Variants in RNGTT observed in about 807,000 individuals in gnomAD.
The protein encoded by RNGTT is RNA guanylyltransferase and 5'-phosphatase.
A neutral mutation model predicts 79.3 loss-of-function variants in RNGTT; 33 were observed. The ratio of observed to expected loss-of-function variants is 0.42; its 90% CI spans 0.32 to 0.56. The LOEUF (loss-of-function observed/expected upper bound fraction) is 0.56, where lower values mean the gene tolerates loss of function less well. RNGTT is among the 20% of genes least tolerant of loss of function. The pLI is 0.17. For missense variants in RNGTT, 497 were observed against 739.1 expected, an observed-to-expected ratio of 0.67 and a Z score of 3.80; for synonymous variants, 222 against 235.9, an observed-to-expected ratio of 0.94 and a Z score of 0.54.
intron 5 of RNGTT, 102 bp downstream of exon 5, chr6:88,906,263 A>G (rs1783650901): frequency 1.5e-6 from 1 of 670,138 alleles, no homozygotes; most frequent in Non-Finnish European, 2.6e-6. Flanking sequence ...TACATTAATC[A>G]TGAGTTCACC....
chr6:88,729,401 A>G (rs2127818843), intron 13 of RNGTT, among the ~76,000 whole-genome samples: 1 of 152,026 alleles, frequency 6.6e-6, no homozygotes, highest in East Asian at 1.9e-4. Flanking sequence ...AAAAAAAAAA[A>G]AAAAGACATC....
chr6:88,682,601 T>C (rs2756411), intron 13 of RNGTT, among the ~76,000 whole-genome samples: 40,324 of 152,152 alleles, frequency 0.27, 9,329 homozygotes, highest in African/African-American at 0.63. Flanking sequence ...TTTCCAACTT[T>C]TATTTTAAGT....
At chr6:88,959,224 G>A (rs1158813298) in intron 1 of RNGTT, among the ~76,000 whole-genome samples, 2 of 146,530 alleles carry the variant, frequency 1.4e-5, no homozygotes, top group Non-Finnish European at 3.0e-5. Context: ...GTGGAGAGGG[G>A]GGATGAGGGA....
At chr6:88,830,394 A>T (rs1201222644) in intron 11 of RNGTT, among the ~76,000 whole-genome samples, 2 of 152,208 alleles carry the variant, frequency 1.3e-5, no homozygotes, top group Non-Finnish European at 2.9e-5. Context: ...CAAAGACACA[A>T]CGTACCAGAA....
At chr6:88,792,292 T>G (rs527586958) in intron 12 of RNGTT, among the ~76,000 whole-genome samples, 3 of 152,200 alleles carry the variant, frequency 2.0e-5, no homozygotes, top group African/African-American at 7.2e-5. Context: ...CTGTCTATAA[T>G]CAACTCTCTT....
chr6:88,647,715 A>AAAAAAAAAAAAAAAAAGAAG (rs531898293), intron 14 of RNGTT, among the ~76,000 whole-genome samples: 33 of 142,490 alleles, frequency 2.3e-4, no homozygotes, highest in African/African-American at 1.0e-3. Flanking sequence ...AAAAAAAAAA[A>AAAAAAAAAAAAAAAAAGAAG]AAGAAGAAGA....
intron 13 of RNGTT, among the ~76,000 whole-genome samples, chr6:88,758,005 T>C (rs186198809): frequency 6.6e-6 from 1 of 152,320 alleles, no homozygotes; most frequent in Non-Finnish European, 1.5e-5. Context: ...CACATGGTTA[T>C]TTAAGTGATT....
At chr6:88,648,357 T>C (rs929329095) in intron 14 of RNGTT, among the ~76,000 whole-genome samples, 2 of 152,092 alleles carry the variant, frequency 1.3e-5, no homozygotes, top group Non-Finnish European at 2.9e-5. Flanking sequence ...GCAGTCTGCA[T>C]TGTTGTCAAC....
chr6:88,815,726 C>T lies in RNGTT; in HGVS notation c.1270-14094G>A, dbSNP rs60775327. On this transcript the variant is annotated intron_variant, in intron 11 of 15. Coordinates refer to ENST00000369485, the MANE Select transcript of RNGTT (RefSeq NM_003800.5). ...AGACTGTAGAATGATGCGATAGTTG[C>T]CTTCTCTGTTAATGAGTAAAGTGAC... 5.1e-3 allele frequency among the ~76,000 whole-genome samples: 781 copies of T among 152,270 alleles called. 7 individuals carry two copies. Among genetic ancestry groups the T allele is most frequent in the African/African-American group, 0.018 (743 of 41,546 alleles).
chr6:88,715,898 A>G (rs1011157028), intron 13 of RNGTT, among the ~76,000 whole-genome samples: 6 of 152,210 alleles, frequency 3.9e-5, no homozygotes, highest in African/African-American at 1.4e-4. Context: ...TTCAGGACAT[A>G]GGCATGGGCA....
intron 13 of RNGTT, among the ~76,000 whole-genome samples, chr6:88,708,755 T>C (rs1443038944): frequency 6.6e-6 from 1 of 152,200 alleles, no homozygotes; most frequent in Non-Finnish European, 1.5e-5. Flanking sequence ...TGCTATTTTT[T>C]TTAATTTTTT....
intron 12 of RNGTT, among the ~76,000 whole-genome samples, chr6:88,780,909 G>A (rs1779040987): frequency 6.6e-6 from 1 of 152,142 alleles, no homozygotes; most frequent in South Asian, 2.1e-4. Flanking sequence ...CTCAACTAGG[G>A]GAGATTTTGC....
intron 11 of RNGTT, among the ~76,000 whole-genome samples, chr6:88,820,675 AT>A (rs1780468574): frequency 6.6e-6 from 1 of 152,168 alleles, no homozygotes; most frequent in African/African-American, 2.4e-5. Context: ...TACCAGGTGA[AT>A]TTCAAAATTT....
intron 13 of RNGTT, among the ~76,000 whole-genome samples, chr6:88,766,804 T>G (rs1203810278): frequency 6.6e-6 from 1 of 152,134 alleles, no homozygotes; most frequent in Non-Finnish European, 1.5e-5. Context: ...GATATTCTAT[T>G]CCATTTTAGG....
intron 13 of RNGTT, among the ~76,000 whole-genome samples, chr6:88,760,774 T>A (rs187744279): frequency 2.0e-4 from 31 of 152,244 alleles, no homozygotes; most frequent in African/African-American, 7.5e-4. Context: ...TAATCCTTCC[T>A]TATATAAGAA....
intron 13 of RNGTT, among the ~76,000 whole-genome samples, chr6:88,749,782 G>A (rs544284354): frequency 2.2e-4 from 34 of 152,238 alleles, no homozygotes; most frequent in Admixed American, 7.9e-4. Flanking sequence ...CAAAGTGGAC[G>A]GCTTAAAACA....
At chr6:88,833,227 T>G (rs1313343860) in intron 11 of RNGTT, among the ~76,000 whole-genome samples, 1 of 152,198 alleles carries the variant, frequency 6.6e-6, no homozygotes, top group Non-Finnish European at 1.5e-5. Context: ...ATAGACACCA[T>G]GGAATACTAT....
chr6:88,742,294 CTT>C (rs1288609085), intron 13 of RNGTT, among the ~76,000 whole-genome samples: 1 of 152,086 alleles, frequency 6.6e-6, no homozygotes, highest in South Asian at 2.1e-4. Context: ...GAGGAAATGA[CTT>C]TTTGTTTAAA....
intron 11 of RNGTT, among the ~76,000 whole-genome samples, chr6:88,816,332 C>T (rs970892570): frequency 6.6e-6 from 1 of 152,132 alleles, no homozygotes; most frequent in Admixed American, 6.5e-5. Context: ...TAGTGAGTTA[C>T]AATCTTCTCA....
Sources: allele counts gnomAD v4.1 joint callset (sites outside exome capture counted in the v4.1 genomes callset), GRCh38; gene constraint gnomAD v4.1.1; transcripts MANE v1.5; gene names NCBI Gene and HGNC (gene_info 2026-07-23, HGNC 2026-07-21).